Variants in DAD1 observed in about 807,000 individuals in gnomAD.
DAD1 encodes the protein defender against cell death 1, also known as dolichyl-diphosphooligosaccharide--protein glycosyltransferase subunit DAD1.
In DAD1, 4 loss-of-function variants were observed where a neutral mutation model predicts 9.0. The observed-to-expected ratio is 0.44, with a 90% confidence interval of 0.22 to 1.01. The LOEUF is 1.01. Ranked by LOEUF, DAD1 falls within the 50% of genes least tolerant of loss-of-function variation. DAD1 has a pLI of 0.24. For missense variants in DAD1, 119 were observed against 137.3 expected, an observed-to-expected ratio of 0.87 and a Z score of 0.67; for synonymous variants, 60 against 62.5, an observed-to-expected ratio of 0.96 and a Z score of 0.19.
chr14:22,573,271 G>A (rs558376573), intron 2 of DAD1, among the ~76,000 whole-genome samples: 1 of 151,516 alleles, frequency 6.6e-6, no homozygotes, highest in Non-Finnish European at 1.5e-5. Context: ...CTCGCCTTCC[G>A]AAAGTGCTGG....
In DAD1 at chr14:22,575,197, G is replaced by A. The variant is rs542658721; in HGVS notation, c.248C>T (p.Ala83Val). The change falls in exon 2 of 3, where the codon GCG becomes GTG. Residue 83 changes from alanine to valine, a missense_variant. Physicochemically the swap from Ala to Val is moderately conservative, Grantham distance 64. Coordinates refer to ENST00000250498, the MANE Select transcript of DAD1 (RefSeq NM_001344.4). ...CTCTGGGGAGATGCCTTGGAAATCC[G>A]CTTTGTTCTGTGGGTTGATCTGTAT... is the stretch of plus-strand genomic sequence containing the variant. ...LRIQINPQNKADFQGISPERA... is the reference protein window; with the variant it reads ...LRIQINPQNKVDFQGISPERA... The A allele has an allele frequency of 1.1e-5, 18 of 1,614,102 alleles. No individual in the cohort carries two copies. The highest frequency in any genetic ancestry group is 9.9e-5 in the South Asian group (9 of 91,076).
At chr14:22,579,474 T>C (rs1412765400) in intron 1 of DAD1, among the ~76,000 whole-genome samples, 1 of 152,198 alleles carries the variant, frequency 6.6e-6, no homozygotes, top group Non-Finnish European at 1.5e-5. Flanking sequence ...GCACCATTGA[T>C]CCTTTCAGGT....
chr14:22,565,813 C>T (rs1341421946), intron 2 of DAD1, among the ~76,000 whole-genome samples: 1 of 152,148 alleles, frequency 6.6e-6, no homozygotes, highest in African/African-American at 2.4e-5. Flanking sequence ...CAAAGCACAG[C>T]CTCCCACCTA....
intron 1 of DAD1, among the ~76,000 whole-genome samples, chr14:22,584,740 C>T (rs1045475429): frequency 2.0e-5 from 3 of 151,956 alleles, no homozygotes; most frequent in African/African-American, 4.8e-5. Flanking sequence ...CTGCAGACAG[C>T]GAGGAAGCCA....
At chr14:22,587,801 C>T (rs2037164398) in intron 1 of DAD1, among the ~76,000 whole-genome samples, 1 of 151,288 alleles carries the variant, frequency 6.6e-6, no homozygotes, top group East Asian at 1.9e-4. Flanking sequence ...TGCAATGGCA[C>T]GATCTCGGCT....
chr14:22,589,025 A>G lies in DAD1; in HGVS notation c.133T>C (p.Cys45Arg), dbSNP rs2037173384. The G allele has an allele frequency of 1.9e-6, 3 of 1,614,122 alleles. No homozygotes were observed. The highest frequency in any genetic ancestry group is 2.7e-5 in the African/African-American group (2 of 74,942). ...LLTGALQFGY[C>R]LLVGTFPFNS... ...AAGGGGAAGGTCCCCACGAGGAGAC[A>G]GTAACCGAACTGCAGCGCCCCGGTC... Residue 45 changes from cysteine to arginine, a missense_variant, in exon 1 of 3, where the codon TGT (cysteine) becomes CGT (arginine). Cys to Arg is a radical substitution (Grantham distance 180). Transcript: ENST00000250498.
intron 2 of DAD1, among the ~76,000 whole-genome samples, chr14:22,568,695 A>T (rs1310570861): frequency 2.2e-5 from 3 of 136,496 alleles, no homozygotes; most frequent in East Asian, 4.3e-4. Context: ...AAGTCTTCTG[A>T]TTTTTTTTTT....
chr14:22,577,752 A>T (rs1566372569), intron 1 of DAD1, among the ~76,000 whole-genome samples: 1 of 152,168 alleles, frequency 6.6e-6, no homozygotes, highest in Non-Finnish European at 1.5e-5. Context: ...CAGAAAGTGG[A>T]ATGGTAGATG....
chr14:22,582,969 GCACTCC>G (rs2037127596), intron 1 of DAD1, among the ~76,000 whole-genome samples: 1 of 139,828 alleles, frequency 7.2e-6, no homozygotes, highest in Non-Finnish European at 1.5e-5. Context: ...TTGTGCCACT[GCACTCC>G]AGCCTGGGTG....
At chr14:22,587,726 A>C (rs1397579236) in intron 1 of DAD1, among the ~76,000 whole-genome samples, 1 of 150,740 alleles carries the variant, frequency 6.6e-6, no homozygotes, top group Admixed American at 6.6e-5. Flanking sequence ...TAAGCACAGC[A>C]CCACTGTCAC....
At chr14:22,583,086 T>TTTGATC (rs926515937) in intron 1 of DAD1, among the ~76,000 whole-genome samples, 1 of 151,446 alleles carries the variant, frequency 6.6e-6, no homozygotes, top group African/African-American at 2.4e-5. Flanking sequence ...GATGAGCAGG[T>TTTGATC]TTGATCTTGG....
intron 1 of DAD1, 51 bp from the exon 2 acceptor site, chr14:22,575,284 A>G (rs758990961): frequency 1.9e-6 from 3 of 1,590,940 alleles, no homozygotes; most frequent in Non-Finnish European, 2.6e-6. Flanking sequence ...GTATAAAATA[A>G]ATATGCTAAT....
intron 1 of DAD1, among the ~76,000 whole-genome samples, chr14:22,584,107 A>G (rs2037136374): frequency 6.6e-6 from 1 of 152,120 alleles, no homozygotes; most frequent in South Asian, 2.1e-4. Context: ...ACTAATTACA[A>G]ACTCTGTGAG....
chr14:22,579,815 C>T (rs1406956837), intron 1 of DAD1, among the ~76,000 whole-genome samples: 1 of 147,894 alleles, frequency 6.8e-6, no homozygotes, highest in East Asian at 2.0e-4. Flanking sequence ...ATATCTAAGA[C>T]TTATTAAGTG....
At chr14:22,584,876 G>A (rs1009399602) in intron 1 of DAD1, among the ~76,000 whole-genome samples, 7 of 152,232 alleles carry the variant, frequency 4.6e-5, no homozygotes, top group Non-Finnish European at 1.0e-4. Context: ...AATAGAAGAT[G>A]GACTGGAAAC....
At chr14:22,573,355 C>T (rs1005524122) in intron 2 of DAD1, among the ~76,000 whole-genome samples, 3 of 151,912 alleles carry the variant, frequency 2.0e-5, no homozygotes, top group Non-Finnish European at 4.4e-5. Context: ...TTGGCTGGCA[C>T]ATAGAAGGGG....
intron 2 of DAD1, among the ~76,000 whole-genome samples, chr14:22,570,418 A>T (rs779238436): frequency 1.3e-5 from 2 of 152,056 alleles, no homozygotes; most frequent in Non-Finnish European, 2.9e-5. Context: ...CCCCCAACCC[A>T]GCATCTAAAC....
chr14:22,566,819 G>A (rs144919537), intron 2 of DAD1, among the ~76,000 whole-genome samples: 1 of 152,206 alleles, frequency 6.6e-6, no homozygotes, highest in African/African-American at 2.4e-5. Context: ...GGCAAAAATT[G>A]ACTCATGAGA....
intron 1 of DAD1, among the ~76,000 whole-genome samples, chr14:22,582,737 G>T (rs192168925): frequency 1.0e-3 from 159 of 152,258 alleles, no homozygotes; most frequent in Middle Eastern, 0.01. Flanking sequence ...CGGGCATGGC[G>T]GCTCACACCT....
Sources: allele counts gnomAD v4.1 joint callset (sites outside exome capture counted in the v4.1 genomes callset), GRCh38; gene constraint gnomAD v4.1.1; transcripts MANE v1.5; gene names NCBI Gene and HGNC (gene_info 2026-07-23, HGNC 2026-07-21).